SLC25A43: variants seen among roughly 807,000 people sequenced by gnomAD.
The protein encoded by SLC25A43 is solute carrier family 25 member 43, also known as solute carrier family 25, member 43.
A neutral mutation model predicts 22.8 loss-of-function variants in SLC25A43; 10 were observed. That is an observed-to-expected ratio of 0.44 (90% CI 0.27 to 0.74). The LOEUF is 0.74. Among genes scored for constraint, SLC25A43 ranks in the 30% least tolerant of loss-of-function variants. The pLI is 0.17. For missense variants in SLC25A43, 233 were observed against 279.1 expected, an observed-to-expected ratio of 0.83 and a Z score of 1.18; for synonymous variants, 106 against 121.6, an observed-to-expected ratio of 0.87 and a Z score of 0.84.
intron 3 of SLC25A43, among the ~76,000 whole-genome samples, chrX:119,418,315 C>T (rs985620674): frequency 5.4e-5 from 6 of 111,554 alleles, no homozygotes; most frequent in African/African-American, 1.6e-4. Flanking sequence ...GAATAAGTAA[C>T]GAGGGACCTT....
chrX:119,410,110 G>A (rs1366081954), intron 2 of SLC25A43, 80 bp from the exon 3 acceptor site: 36 of 1,079,720 alleles, frequency 3.3e-5, no homozygotes, highest in Non-Finnish European at 2.1e-5. Context: ...TTCTTTCCCC[G>A]GAATCCCCCC....
intron 3 of SLC25A43, among the ~76,000 whole-genome samples, chrX:119,415,505 G>A (rs2052391989): frequency 9.2e-6 from 1 of 109,014 alleles, no homozygotes; most frequent in Non-Finnish European, 1.9e-5. Context: ...GACCAGCCGG[G>A]CCAACGTGGT....
At chrX:119,401,333 A>G (rs754435239) in intron 1 of SLC25A43, among the ~76,000 whole-genome samples, 32 of 111,829 alleles carry the variant, frequency 2.9e-4, no homozygotes, top group Non-Finnish European at 4.7e-4. Flanking sequence ...GCCAGGATGG[A>G]AGGGGCATGG....
chrX:119,424,583 C>T (rs1052364750), intron 3 of SLC25A43, among the ~76,000 whole-genome samples: 6 of 111,828 alleles, frequency 5.4e-5, no homozygotes, highest in African/African-American at 2.0e-4. Context: ...AGCGGGAAAG[C>T]AAACCTTGAT....
Position 119,399,555 on chromosome X carries a change from G to A in SLC25A43, c.152G>A (p.Gly51Glu). The A allele has an allele frequency of 9.4e-7, 1 of 1,064,098 alleles. No homozygotes were observed. 87.7% of individuals were successfully genotyped at this position (1,064,098 alleles called of 1,213,427 possible). A position where few individuals can be genotyped will look rare whatever the true frequency, so the allele number is the denominator to read the frequency against. The change falls in exon 1 of 5, where the codon GGA (glycine) becomes GAA (glutamate). Residue 51 changes from glycine (G) to glutamate (E), a missense_variant. Transcript: ENST00000217909. ...QVGVVRGHAR[G>E]PWATGHRVWR... ...GGCGTCGTGCGAGGCCACGCCCGGG[G>A]ACCGTGGGCCACAGGGCACCGGGTG...
At chrX:119,431,846 A>G (rs1350081133) in intron 3 of SLC25A43, among the ~76,000 whole-genome samples, 1 of 111,351 alleles carries the variant, frequency 9.0e-6, no homozygotes, top group Non-Finnish European at 1.9e-5. Context: ...GTGCCGCAGC[A>G]GAGGTCTAAA....
intron 3 of SLC25A43, among the ~76,000 whole-genome samples, chrX:119,431,941 G>T (rs1262357096): frequency 9.1e-6 from 1 of 110,419 alleles, no homozygotes; most frequent in African/African-American, 3.3e-5. Flanking sequence ...ATCACTTGAG[G>T]TTAGGAGTTC....
intron 3 of SLC25A43, among the ~76,000 whole-genome samples, chrX:119,441,324 C>T (rs1231101393): frequency 3.6e-5 from 3 of 83,058 alleles, no homozygotes; most frequent in African/African-American, 9.0e-5. Context: ...CGCCCTGCTT[C>T]GGCTCGCGCA....
intron 3 of SLC25A43, among the ~76,000 whole-genome samples, chrX:119,413,449 T>C (rs1462681816): frequency 8.9e-6 from 1 of 111,800 alleles, no homozygotes; most frequent in Non-Finnish European, 1.9e-5. Context: ...CTCACGGCTG[T>C]AATCCCAGCA....
At chrX:119,427,310 A>G (rs2052515312) in intron 3 of SLC25A43, among the ~76,000 whole-genome samples, 1 of 111,708 alleles carries the variant, frequency 9.0e-6, no homozygotes, top group Admixed American at 9.5e-5. Flanking sequence ...CTGAATACTA[A>G]CCTACTGTGG....
At position 119,452,867 on chromosome X, in the gene SLC25A43, A is replaced by T. The variant is rs746345173; in HGVS notation, c.828A>T (p.Ile276=). 5.2e-5 allele frequency: 62 copies of T among 1,200,990 alleles called. No individual in the cohort carries two copies. Among genetic ancestry groups the T allele is most frequent in the Non-Finnish European group, 6.6e-5 (59 of 890,068 alleles). ...ATTTTCATTTTTGGTTTTAACAGAT[A>T]GTTCCATATTTTGGAATTATGTTTA... is the stretch of plus-strand genomic sequence containing the variant. ...WNGLTANLLK[I]VPYFGIMFST... Residue 276 remains isoleucine, a splice_region_variant and synonymous_variant, in exon 5 of 5, where the codon ATA becomes ATT. Coordinates refer to ENST00000217909, the MANE Select transcript of SLC25A43 (RefSeq NM_145305.3).
intron 3 of SLC25A43, among the ~76,000 whole-genome samples, chrX:119,421,959 A>G (rs1007609451): frequency 8.9e-6 from 1 of 111,912 alleles, no homozygotes; most frequent in Admixed American, 9.5e-5. Context: ...TCTGTCACCC[A>G]GGCTGGAGTG....
intron 1 of SLC25A43, among the ~76,000 whole-genome samples, chrX:119,404,382 C>T (rs1603293717): frequency 1.8e-5 from 2 of 111,466 alleles, no homozygotes; most frequent in South Asian, 7.6e-4. Context: ...TTTGCTAGTG[C>T]GGCTCACAGA....
chrX:119,405,884 T>C (rs934117328), intron 1 of SLC25A43, among the ~76,000 whole-genome samples: 1 of 111,344 alleles, frequency 9.0e-6, no homozygotes, highest in African/African-American at 3.3e-5. Flanking sequence ...CTACAAAAAT[T>C]AGCTGGGCAT....
intron 3 of SLC25A43, among the ~76,000 whole-genome samples, chrX:119,420,226 T>A (rs2052440104): frequency 9.1e-6 from 1 of 109,942 alleles, no homozygotes; most frequent in African/African-American, 3.3e-5. Context: ...TTCAATCCTC[T>A]CCAGCCCAGC....
chrX:119,403,140 A>C (rs1379592671), intron 1 of SLC25A43, among the ~76,000 whole-genome samples: 1 of 110,775 alleles, frequency 9.0e-6, no homozygotes, highest in African/African-American at 3.3e-5. Context: ...ACCTTCAATA[A>C]ATGAGTAGTG....
In SLC25A43 at chrX:119,406,525, G is replaced by A. The variant is rs757536288; in HGVS notation, c.341G>A (p.Ser114Asn). Residue 114 changes from serine (S) to asparagine (N), a missense_variant, in exon 2 of 5, where the codon AGT (serine) becomes AAT (asparagine). Coordinates refer to ENST00000217909, the MANE Select transcript of SLC25A43 (RefSeq NM_145305.3). Reference protein sequence around the residue: ...ISQWSSIMAGSLAGMVSTIVT... With the variant: ...ISQWSSIMAGNLAGMVSTIVT... ...CAGTGGAGCTCCATCATGGCTGGGA[G>A]TCTCGCAGGCATGGTTTCCACCATT... 1.2e-5 allele frequency: 15 copies of A among 1,209,541 alleles called. No homozygotes were observed. The highest frequency in any genetic ancestry group is 6.6e-5 in the Admixed American group (3 of 45,725).
intron 3 of SLC25A43, among the ~76,000 whole-genome samples, chrX:119,412,184 T>C (rs750628643): frequency 8.9e-6 from 1 of 111,758 alleles, no homozygotes; most frequent in Non-Finnish European, 1.9e-5. Flanking sequence ...AAGCTGCCAC[T>C]CCACTCCCTG....
chrX:119,452,193 C>T (rs756158342), intron 4 of SLC25A43, 50 bp downstream of exon 4: 39 of 1,147,901 alleles, frequency 3.4e-5, no homozygotes, highest in Non-Finnish European at 4.0e-5. Context: ...TCCAATTCTA[C>T]CCTCTTCCTT....
Sources: gnomAD v4.1 joint callset for allele counts (sites outside exome capture counted in the v4.1 genomes callset) on GRCh38, gnomAD v4.1.1 for gene constraint, MANE v1.5 for transcripts, NCBI Gene and HGNC (gene_info 2026-07-23, HGNC 2026-07-21) for gene names.